Variants in YTHDF3 observed in about 807,000 individuals in gnomAD.
YTHDF3 encodes the protein YTH N6-methyladenosine RNA binding protein F3.
Under a neutral mutation model 52.5 loss-of-function variants are expected in YTHDF3, and 9 were observed. The ratio of observed to expected loss-of-function variants is 0.17; its 90% confidence interval spans 0.10 to 0.30. The LOEUF (loss-of-function observed/expected upper bound fraction) is 0.30. Ranked by LOEUF, YTHDF3 falls within the 10% of genes least tolerant of loss-of-function variation. YTHDF3 has a pLI of 1.00. For missense variants in YTHDF3, 534 were observed against 715.0 expected (o/e 0.75, Z 2.89); for synonymous variants, 274 against 243.3 (o/e 1.13, Z -1.18).
chr8:63,204,088 A>G (rs1001997492), intron 4 of YTHDF3, among the ~76,000 whole-genome samples: 1 of 152,314 alleles, frequency 6.6e-6, no homozygotes, highest in African/African-American at 2.4e-5. Flanking sequence ...GAGGAATATC[A>G]AAGACTTTGT....
rs1296304647 is a variant in YTHDF3, at chr8:63,187,860, ACT to A, written c.1734+118_1734+119del. 5.2e-5 allele frequency: 59 copies of A among 1,136,006 alleles called. No homozygotes were observed. The East Asian group carries it at 1.4e-3, about 27-fold the overall frequency. 70.4% of individuals were successfully genotyped at this position (1,136,006 alleles called of 1,614,324 possible). ...AAGGAAACCAACTACTTAAGAAACA[ACT>A]CTACAAACACCCTTGAAGGTATCTA... is the stretch of plus-strand genomic sequence containing the variant. On this transcript the variant is annotated intron_variant, in intron 4 of 4. Transcript: ENST00000539294.
Position 63,175,372 on chromosome 8 carries a change from AATG to A in YTHDF3, c.100_102del (p.Asp34del), listed in dbSNP as rs1363708335. The A allele has an allele frequency of 1.2e-6, 2 of 1,611,836 alleles. No homozygotes were observed. The highest frequency in any genetic ancestry group is 2.2e-5 in the East Asian group (1 of 44,720). On this transcript the variant is annotated inframe_deletion, in exon 3 of 5. Coordinates refer to ENST00000539294, the MANE Select transcript of YTHDF3 (RefSeq NM_152758.6). ...TTCGATTCATCAAAAAGATGCTGTAAATGATGATGATTTTGAGCCATACTTAAG... is the reference window on the plus strand; with the variant it reads ...TTCGATTCATCAAAAAGATGCTGTAAATGATGATTTTGAGCCATACTTAAG...
chr8:63,197,333 G>A (rs565588741), intron 4 of YTHDF3, among the ~76,000 whole-genome samples: 13 of 152,196 alleles, frequency 8.5e-5, no homozygotes, highest in African/African-American at 3.1e-4. Context: ...TGTAATCGCT[G>A]TTACTTGATC....
chr8:63,169,016 G>A (rs929650614), intron 1 of YTHDF3, 115 bp downstream of exon 1: 4 of 1,472,982 alleles, frequency 2.7e-6, no homozygotes, highest in African/African-American at 3.0e-5. Flanking sequence ...ACGGTGCCCC[G>A]GGCGCAAGTT....
intron 3 of YTHDF3, among the ~76,000 whole-genome samples, chr8:63,177,903 A>C (rs1352076986): frequency 6.6e-6 from 1 of 152,022 alleles, no homozygotes; most frequent in African/African-American, 2.4e-5. Context: ...GATTACAGAC[A>C]CATGCTACCA....
chr8:63,198,105 T>G (rs1178892999), intron 4 of YTHDF3, among the ~76,000 whole-genome samples: 1 of 152,226 alleles, frequency 6.6e-6, no homozygotes. Flanking sequence ...GATGGAGCCC[T>G]GCCGTTTATG....
chr8:63,180,053 C>T (rs568992074), intron 3 of YTHDF3, among the ~76,000 whole-genome samples: 7 of 149,588 alleles, frequency 4.7e-5, no homozygotes, highest in African/African-American at 1.5e-4. Context: ...CCGGACGGGG[C>T]GGCTGGCTGG....
Position 63,186,399 on chromosome 8 carries a change from A to G in YTHDF3, c.388A>G (p.Asn130Asp). ...ACATGGATTTAACTTTTTTCCTGGTAATGCTGATTTCTCTACATGGGGGAC... is the reference window on the plus strand; with the variant it reads ...ACATGGATTTAACTTTTTTCCTGGTGATGCTGATTTCTCTACATGGGGGAC... ...GQHGFNFFPG[N>D]ADFSTWGTSG... Residue 130 changes from asparagine (N) to aspartate (D), a missense_variant, in exon 4 of 5, where the codon AAT becomes GAT. Physicochemically the swap from Asn to Asp is conservative, Grantham distance 23. Transcript: ENST00000539294. 6.2e-7 allele frequency: 1 copy of G among 1,614,034 alleles called. No homozygotes were observed. The highest frequency in any genetic ancestry group is 8.5e-7 in the Non-Finnish European group (1 of 1,179,886).
At chr8:63,199,373 C>T (rs1185949224) in intron 4 of YTHDF3, among the ~76,000 whole-genome samples, 1 of 152,194 alleles carries the variant, frequency 6.6e-6, no homozygotes, top group African/African-American at 2.4e-5. Flanking sequence ...TCCATATAGG[C>T]ATGTTTTACA....
intron 4 of YTHDF3, among the ~76,000 whole-genome samples, chr8:63,193,906 A>C (rs1809072996): frequency 6.6e-6 from 1 of 152,234 alleles, no homozygotes; most frequent in Admixed American, 6.5e-5. Context: ...TACTTCAAGA[A>C]GCAGTTTTGT....
rs578217978 is a variant in YTHDF3 at position 63,211,742 on chromosome 8, A to G, written c.*2036A>G. On this transcript the variant is annotated 3_prime_UTR_variant, in exon 5 of 5. Coordinates refer to ENST00000539294, the MANE Select transcript of YTHDF3 (RefSeq NM_152758.6). The stretch of plus-strand genomic sequence containing the variant: ...GCACTCAGCAAGCAGGCTGATTGCA[A>G]TAGACTCAGACATGCGAATAAATGT... The G allele has an allele frequency of 2.3e-4, 35 of 152,726 alleles. No individual in the cohort carries two copies. The South Asian group carries it at 5.2e-3, about 23-fold the overall frequency. The allele number at this position is 152,726 out of a possible 1,614,324, so 9.5% of individuals were successfully genotyped here.
intron 4 of YTHDF3, among the ~76,000 whole-genome samples, chr8:63,188,054 G>A (rs567014784): frequency 6.6e-6 from 1 of 152,262 alleles, no homozygotes; most frequent in African/African-American, 2.4e-5. Context: ...CAGACTTCAT[G>A]AACTAACCAG....
chr8:63,174,887 A>T (rs1316392089), intron 2 of YTHDF3, among the ~76,000 whole-genome samples: 1 of 152,202 alleles, frequency 6.6e-6, no homozygotes, highest in Non-Finnish European at 1.5e-5. Flanking sequence ...TAGTTATTTC[A>T]TTCTTTATTA....
intron 3 of YTHDF3, among the ~76,000 whole-genome samples, chr8:63,183,241 A>G (rs1203096920): frequency 1.3e-5 from 2 of 152,172 alleles, no homozygotes; most frequent in African/African-American, 2.4e-5. Context: ...GATTATAGGC[A>G]TGAACCACGG....
At chr8:63,169,486 T>G in intron 2 of YTHDF3, 75 bp downstream of exon 2, 2 of 1,477,088 alleles carry the variant, frequency 1.4e-6, no homozygotes, top group Non-Finnish European at 1.8e-6. Context: ...GAGGGTATTT[T>G]GTTTGTTTTT....
intron 1 of YTHDF3, 85 bp downstream of exon 1, chr8:63,168,986 CCGCCG>C: frequency 6.6e-7 from 1 of 1,512,784 alleles, no homozygotes; most frequent in Admixed American, 2.3e-5. Context: ...CTCCCCGTCG[CCGCCG>C]CTGCCGGCCC....
intron 2 of YTHDF3, chr8:63,169,637 G>A: frequency 3.5e-6 from 2 of 570,666 alleles, no homozygotes; most frequent in Non-Finnish European, 6.3e-6. Flanking sequence ...CAGTTTCCTT[G>A]TCAGTTAAGC....
intron 4 of YTHDF3, among the ~76,000 whole-genome samples, chr8:63,205,908 T>G (rs1447669496): frequency 6.6e-6 from 1 of 152,176 alleles, no homozygotes; most frequent in Non-Finnish European, 1.5e-5. Flanking sequence ...ATCATTAACT[T>G]TTGGAGGATT....
At chr8:63,184,007 T>C (rs936264968) in intron 3 of YTHDF3, among the ~76,000 whole-genome samples, 1 of 150,670 alleles carries the variant, frequency 6.6e-6, no homozygotes, top group African/African-American at 2.4e-5. Flanking sequence ...TGTAAGTGGT[T>C]ATACTGTATT....
Sources: allele counts gnomAD v4.1 joint callset (sites outside exome capture counted in the v4.1 genomes callset), GRCh38; gene constraint gnomAD v4.1.1; transcripts MANE v1.5; gene names NCBI Gene and HGNC (gene_info 2026-07-23, HGNC 2026-07-21).